The following GAN variants were observed in gnomAD, a reference collection of about 807,000 sequenced individuals.
GAN encodes epididymis secretory sperm binding protein.
GAN carries 48 observed loss-of-function variants against 71.3 expected under a neutral mutation model. That is an observed-to-expected ratio of 0.67 (90% CI 0.53 to 0.86). GAN has a LOEUF of 0.86. Ranked by LOEUF, GAN falls within the 40% of genes least tolerant of loss-of-function variation. The pLI is 0.00. For synonymous variants in GAN, 386 were observed against 276.8 expected, an observed-to-expected ratio of 1.39 and a Z score of -3.92; for missense variants, 928 against 770.1, an observed-to-expected ratio of 1.21 and a Z score of -2.43.
intron 1 of GAN, among the ~76,000 whole-genome samples, chr16:81,329,747 C>T (rs1909510591): frequency 6.6e-6 from 1 of 152,172 alleles, no homozygotes. Flanking sequence ...TTCTGGCTCT[C>T]CTCCCCATCT....
At chr16:81,335,625 C>G (rs538175436) in intron 1 of GAN, among the ~76,000 whole-genome samples, 36 of 151,080 alleles carry the variant, frequency 2.4e-4, no homozygotes, top group Admixed American at 2.2e-3. Context: ...CGCACACTTG[C>G]AATCCCAGCT....
At chr16:81,365,211 T>C in intron 8 of GAN, 101 bp downstream of exon 8, 9 of 1,561,800 alleles carry the variant, frequency 5.8e-6, no homozygotes, top group Non-Finnish European at 7.9e-6. Flanking sequence ...CAGAGTAACC[T>C]TTTCTTTGAC....
At chr16:81,329,987 C>G (rs1555509237) in intron 1 of GAN, among the ~76,000 whole-genome samples, 1 of 152,200 alleles carries the variant, frequency 6.6e-6, no homozygotes, top group Non-Finnish European at 1.5e-5. Flanking sequence ...CCAGACTCCC[C>G]AGGAGAAATC....
At chr16:81,329,766 A>G (rs528699925) in intron 1 of GAN, among the ~76,000 whole-genome samples, 10 of 151,958 alleles carry the variant, frequency 6.6e-5, no homozygotes, top group Admixed American at 6.6e-4. Flanking sequence ...CTGTCCCTAT[A>G]CCTTGATTAG....
At chr16:81,315,359 C>CGG in intron 1 of GAN, 79 bp downstream of exon 1, 1 of 1,070,954 alleles carries the variant, frequency 9.3e-7, no homozygotes, top group Non-Finnish European at 1.2e-6. Flanking sequence ...GGGCGTGGCC[C>CGG]CCAGACCCTG....
Position 81,375,424 on chromosome 16 carries a change from C to T in GAN, c.1503-1795C>T, listed in dbSNP as rs1453830642. Among the ~76,000 whole-genome samples the T allele has an allele frequency of 2.7e-5, 4 of 146,788 alleles. No homozygotes were observed. The East Asian group carries it at 8.2e-4, about 30-fold the overall frequency. On this transcript the variant is annotated intron_variant, in intron 9 of 10. Transcript: ENST00000648994. ...TGATCTCAACTCACTGCAGCCTTGA[C>T]CTCCTTGACTCAAGCAATCCTCCCA...
At chr16:81,360,426 C>T (rs957929022) in intron 5 of GAN, among the ~76,000 whole-genome samples, 2 of 152,152 alleles carry the variant, frequency 1.3e-5, no homozygotes, top group African/African-American at 4.8e-5. Context: ...AGTGGCAAGT[C>T]TAAAAAATCT....
chr16:81,346,910 T>G (rs1340568158), intron 1 of GAN, among the ~76,000 whole-genome samples: 4 of 152,184 alleles, frequency 2.6e-5, no homozygotes, highest in African/African-American at 9.7e-5. Context: ...CATCGTGCTA[T>G]TTGACAAAGG....
intron 9 of GAN, among the ~76,000 whole-genome samples, chr16:81,376,072 C>T (rs1904278796): frequency 6.6e-6 from 1 of 151,750 alleles, no homozygotes; most frequent in African/African-American, 2.4e-5. Flanking sequence ...TTAAAGTAGC[C>T]AAAATTAAAA....
chr16:81,331,232 G>A (rs567885096), intron 1 of GAN, among the ~76,000 whole-genome samples: 1 of 152,216 alleles, frequency 6.6e-6, no homozygotes, highest in South Asian at 2.1e-4. Flanking sequence ...CCAAGTTGAG[G>A]AACGAGATGC....
chr16:81,365,821 T>C (rs761951469), intron 9 of GAN, among the ~76,000 whole-genome samples: 36 of 151,982 alleles, frequency 2.4e-4, no homozygotes, highest in Admixed American at 2.0e-4. Flanking sequence ...AGGTAGAAAC[T>C]GAAGATTGCT....
chr16:81,317,413 A>G (rs560457094), intron 1 of GAN, among the ~76,000 whole-genome samples: 16 of 152,334 alleles, frequency 1.1e-4, no homozygotes, highest in African/African-American at 2.6e-4. Context: ...GTAGATGACA[A>G]GGCTTCAGCT....
At chr16:81,337,244 T>C (rs1597394147) in intron 1 of GAN, among the ~76,000 whole-genome samples, 1 of 152,126 alleles carries the variant, frequency 6.6e-6, no homozygotes, top group Non-Finnish European at 1.5e-5. Flanking sequence ...TATCTCAGGG[T>C]CCGTTCCTGA....
At chr16:81,353,221 G>GAA (rs1482357826) in intron 2 of GAN, among the ~76,000 whole-genome samples, 27 of 151,626 alleles carry the variant, frequency 1.8e-4, no homozygotes, top group Admixed American at 8.5e-4. Context: ...AACCCCAGGG[G>GAA]GCGGAGCCTG....
chr16:81,371,210 C>T lies in GAN; in HGVS notation c.1502+5732C>T, dbSNP rs953696530. On this transcript the variant is annotated intron_variant, in intron 9 of 10. Coordinates refer to ENST00000648994, the MANE Select transcript of GAN (RefSeq NM_022041.4). Reference sequence around the variant, plus strand: ...GTGCTGAAATTTCCTATCTTTCCATCACAAGCATATTTTCCTTTCCCTTAC... The same window carrying T: ...GTGCTGAAATTTCCTATCTTTCCATTACAAGCATATTTTCCTTTCCCTTAC... Among the ~76,000 whole-genome samples the T allele has an allele frequency of 6.6e-5, 10 of 152,196 alleles. No individual in the cohort carries two copies. In the East Asian group the frequency reaches 1.9e-3, roughly 29 times the overall value.
At position 81,390,550 on chromosome 16, in the gene GAN, T is replaced by A. The variant is rs905747577; in HGVS notation, c.*12954T>A. 6 of 152,248 alleles carry A rather than the reference T, an allele frequency of 3.9e-5. No homozygotes were observed. The highest frequency in any genetic ancestry group is 1.4e-4 in the African/African-American group (6 of 41,458). 9.4% of individuals were successfully genotyped at this position (152,248 alleles called of 1,614,324 possible). On this transcript the variant is annotated 3_prime_UTR_variant, in exon 11 of 11. Transcript: ENST00000648994. ...GTGCTTGGGGAACATTTTGCCATCA[T>A]GCTGTTCTCTTGTACCAAGGATCAG...
At chr16:81,360,999 G>A (rs900167744) in intron 5 of GAN, among the ~76,000 whole-genome samples, 1 of 152,138 alleles carries the variant, frequency 6.6e-6, no homozygotes, top group Non-Finnish European at 1.5e-5. Context: ...TGAGGCGGGT[G>A]GATCATTTGA....
At chr16:81,353,410 CA>C (rs1910371545) in intron 2 of GAN, among the ~76,000 whole-genome samples, 1 of 151,982 alleles carries the variant, frequency 6.6e-6, no homozygotes, top group Admixed American at 6.5e-5. Flanking sequence ...GAAGAGTCTA[CA>C]GCTGCCTGCT....
intron 1 of GAN, among the ~76,000 whole-genome samples, chr16:81,348,241 T>C (rs1391779316): frequency 1.3e-5 from 2 of 152,222 alleles, no homozygotes; most frequent in Admixed American, 6.5e-5. Context: ...TTTTCAATCA[T>C]TACCATTTTT....
Sources: allele counts gnomAD v4.1 joint callset (sites outside exome capture counted in the v4.1 genomes callset), GRCh38; gene constraint gnomAD v4.1.1; transcripts MANE v1.5; gene names NCBI Gene and HGNC (gene_info 2026-07-23, HGNC 2026-07-21).